The following OSMR variants were observed in gnomAD, a reference collection of about 807,000 sequenced individuals.
OSMR encodes oncostatin M receptor, also known as oncostatin-M-specific receptor subunit beta.
OSMR carries 81 observed loss-of-function variants against 99.9 expected under a neutral mutation model. That is an observed-to-expected ratio of 0.81 (90% CI 0.68 to 0.97). The LOEUF (loss-of-function observed/expected upper bound fraction) is 0.97, where lower values mean the gene tolerates loss of function less well. OSMR is among the 50% of genes least tolerant of loss of function. OSMR has a pLI of 0.00. For missense variants in OSMR, 1,099 were observed against 1,153.4 expected, an observed-to-expected ratio of 0.95 and a Z score of 0.68; for synonymous variants, 406 against 410.4, an observed-to-expected ratio of 0.99 and a Z score of 0.13.
chr5:38,895,625 T>G lies in OSMR; in HGVS notation c.992-8257T>G, dbSNP rs541352143. Among the ~76,000 whole-genome samples, 644 of 152,256 alleles carry G rather than the reference T, an allele frequency of 4.2e-3. 6 individuals are homozygous for G. The highest frequency in any genetic ancestry group is 0.015 in the African/African-American group (611 of 41,560). ...TCACTTTGTTGATTGTTTCCTTTGTTGTGCAGAAGCTTTTTAACTTAATGA... is the reference window on the plus strand; with the variant it reads ...TCACTTTGTTGATTGTTTCCTTTGTGGTGCAGAAGCTTTTTAACTTAATGA... On this transcript the variant is annotated intron_variant, in intron 7 of 17. Transcript: ENST00000274276.
chr5:38,930,800 G>A (rs1746691979), intron 15 of OSMR, among the ~76,000 whole-genome samples: 1 of 151,704 alleles, frequency 6.6e-6, no homozygotes. Flanking sequence ...GGTTTTTAAA[G>A]GAAAAAAAAT....
At chr5:38,943,940 A>C (rs558788119) in intron 1 of OSMR, among the ~76,000 whole-genome samples, 2 of 152,302 alleles carry the variant, frequency 1.3e-5, no homozygotes, top group African/African-American at 4.8e-5. Context: ...TGTTACATGT[A>C]AGCCCACTTT....
At chr5:38,917,424 G>T in intron 9 of OSMR, 122 bp from the exon 10 acceptor site, 1 of 1,491,662 alleles carries the variant, frequency 6.7e-7, no homozygotes. Context: ...GAGTGAAAAC[G>T]GGAGAGGCAA....
At chr5:38,876,149 T>A in intron 2 of OSMR, 52 bp from the exon 3 acceptor site, 5 of 1,585,822 alleles carry the variant, frequency 3.2e-6, no homozygotes, top group Non-Finnish European at 4.3e-6. Flanking sequence ...TTCTGACTCT[T>A]CAATCATGCT....
chr5:38,908,339 C>T (rs996191551), intron 9 of OSMR, among the ~76,000 whole-genome samples: 1 of 152,170 alleles, frequency 6.6e-6, no homozygotes, highest in Non-Finnish European at 1.5e-5. Context: ...TGCCTGCATC[C>T]CCCCACCAGG....
In OSMR at chr5:38,874,084, G is replaced by C. The variant is rs527293694; in HGVS notation, c.74-2117G>C. On this transcript the variant is annotated intron_variant, in intron 2 of 17. Coordinates refer to ENST00000274276, the MANE Select transcript of OSMR (RefSeq NM_003999.3). ...AAATTGAGTTCTTTGTCTTTTTGTT[G>C]CTGGTTTGTAAGAGTTCTTTATGTA... Among the ~76,000 whole-genome samples the C allele has an allele frequency of 5.9e-5, 9 of 152,184 alleles. No homozygotes were observed. In the East Asian group the frequency reaches 1.5e-3, roughly 26 times the overall value.
intron 7 of OSMR, among the ~76,000 whole-genome samples, chr5:38,894,997 CTT>C: frequency 6.6e-6 from 1 of 151,250 alleles, no homozygotes; most frequent in Admixed American, 6.6e-5. Context: ...AAAATAAAAA[CTT>C]TTAGGTAAAC....
chr5:38,932,717 T>C (rs1486262426), intron 17 of OSMR, 155 bp from the exon 18 acceptor site: 1 of 985,276 alleles, frequency 1.0e-6, no homozygotes, highest in Non-Finnish European at 1.2e-6. Flanking sequence ...AGGGGAAATC[T>C]TTTGGTTTTC....
In OSMR at chr5:38,906,597, A is replaced by G. The variant is rs558586873; in HGVS notation, c.1285+2094A>G. Among the ~76,000 whole-genome samples the G allele has an allele frequency of 2.0e-5, 3 of 152,332 alleles. No individual in the cohort carries two copies. In the East Asian group the frequency reaches 5.8e-4, roughly 29 times the overall value. ...AGATATTGTCCCTGAGTATTTCAAT[A>G]AAGTTTTAAATTTAATATTGGCTTC... On this transcript the variant is annotated intron_variant, in intron 9 of 17. Transcript: ENST00000274276.
intron 7 of OSMR, among the ~76,000 whole-genome samples, chr5:38,891,780 C>A (rs1744174280): frequency 6.6e-6 from 1 of 152,220 alleles, no homozygotes; most frequent in African/African-American, 2.4e-5. Flanking sequence ...CCAATAGCGG[C>A]CATTGCCACG....
At chr5:38,874,305 G>T (rs984796280) in intron 2 of OSMR, among the ~76,000 whole-genome samples, 1 of 152,088 alleles carries the variant, frequency 6.6e-6, no homozygotes, top group Non-Finnish European at 1.5e-5. Flanking sequence ...CAGGGTCATG[G>T]AATTCACGCT....
intron 7 of OSMR, among the ~76,000 whole-genome samples, chr5:38,894,799 C>T (rs140817130): frequency 4.5e-4 from 69 of 152,012 alleles, no homozygotes; most frequent in Non-Finnish European, 7.7e-4. Flanking sequence ...ATTAGATCAT[C>T]GAGGGAGAAA....
At position 38,883,938 on chromosome 5, in the gene OSMR, T is replaced by A. The variant is rs758577036; in HGVS notation, c.530T>A (p.Val177Glu). 6.2e-7 allele frequency: 1 copy of A among 1,613,612 alleles called. No individual in the cohort carries two copies. The highest frequency in any genetic ancestry group is 1.3e-5 in the African/African-American group (1 of 75,040). ...CYVSRNIQNN[V>E]SCYLEGKQIH... ...GTTTCTAGGAACATTCAAAATAATG[T>A]ATCCTGTTATTTGGAAGGGAAACAG... Residue 177 changes from valine to glutamate, a missense_variant, in exon 5 of 18, where the codon GTA becomes GAA. Val to Glu is a moderately radical substitution (Grantham distance 121). Transcript: ENST00000274276.
exon 2 of OSMR, chr5:38,944,234 C>G (rs1158119918): frequency 1.6e-6 from 1 of 630,200 alleles, no homozygotes; most frequent in East Asian, 3.2e-5. Context: ...TAGAAGATAG[C>G]TGGATTCTCA....
At position 38,887,695 on chromosome 5, in the gene OSMR, T is replaced by A. The variant is rs568333058; in HGVS notation, c.991+1505T>A. Among the ~76,000 whole-genome samples the A allele has an allele frequency of 3.2e-4, 49 of 152,322 alleles. No individual in the cohort carries two copies. The Middle Eastern group carries it at 0.014, about 42-fold the overall frequency. On this transcript the variant is annotated intron_variant, in intron 7 of 17. Coordinates refer to ENST00000274276, the MANE Select transcript of OSMR (RefSeq NM_003999.3). ...GCCATACTCTTTTATGTAAAACTGA[T>A]AATTAATTTACCAAATTCTATGAAA...
chr5:38,892,481 G>T (rs528017205), intron 7 of OSMR, among the ~76,000 whole-genome samples: 1 of 152,240 alleles, frequency 6.6e-6, no homozygotes, highest in South Asian at 2.1e-4. Context: ...CCTGGGAACT[G>T]TGGAAATACC....
At chr5:38,883,590 T>C (rs1743469275) in intron 4 of OSMR, 1 of 450,098 alleles carries the variant, frequency 2.2e-6, no homozygotes. Flanking sequence ...AATAGTAATG[T>C]GCTGTCTGTG....
At chr5:38,879,810 A>G (rs956960753) in intron 3 of OSMR, among the ~76,000 whole-genome samples, 1 of 151,734 alleles carries the variant, frequency 6.6e-6, no homozygotes, top group Non-Finnish European at 1.5e-5. Flanking sequence ...TTTTAGTAGA[A>G]ATGGGGTTTC....
Position 38,898,352 on chromosome 5 carries a change from C to A in OSMR, c.992-5530C>A, listed in dbSNP as rs1393642723. On this transcript the variant is annotated intron_variant, in intron 7 of 17. Transcript: ENST00000274276. ...TGACCCCTTTATAATTACGTAATGA[C>A]CTACTTTGCATCTCCGTATAGGTTT... Among the ~76,000 whole-genome samples the A allele has an allele frequency of 2.0e-5, 3 of 152,150 alleles. No homozygotes were observed. In the East Asian group the frequency reaches 5.8e-4, roughly 29 times the overall value.
Sources: gnomAD v4.1 joint callset for allele counts (sites outside exome capture counted in the v4.1 genomes callset) on GRCh38, gnomAD v4.1.1 for gene constraint, MANE v1.5 for transcripts, NCBI Gene and HGNC (gene_info 2026-07-23, HGNC 2026-07-21) for gene names.